Variants in COL19A1 observed in about 807,000 individuals in gnomAD.
COL19A1 encodes collagen alpha-1(XIX) chain.
In COL19A1, 159 loss-of-function variants were observed where a neutral mutation model predicts 190.2. That is an observed-to-expected ratio of 0.84 (90% CI 0.73 to 0.95). The LOEUF (loss-of-function observed/expected upper bound fraction) is 0.95, where lower values mean the gene tolerates loss of function less well. Among genes scored for constraint, COL19A1 ranks in the 40% least tolerant of loss-of-function variants. COL19A1 has a pLI of 0.00. For missense variants in COL19A1, 1,418 were observed against 1,431.9 expected, an observed-to-expected ratio of 0.99 and a Z score of 0.16; for synonymous variants, 509 against 458.9, an observed-to-expected ratio of 1.11 and a Z score of -1.39.
intron 15 of COL19A1, among the ~76,000 whole-genome samples, chr6:70,094,154 T>A (rs892360086): frequency 6.6e-6 from 1 of 152,234 alleles, no homozygotes; most frequent in Non-Finnish European, 1.5e-5. Context: ...TCTTCCTCAG[T>A]AAGTATTCCA....
intron 16 of COL19A1, among the ~76,000 whole-genome samples, chr6:70,117,700 A>G (rs546133433): frequency 6.6e-6 from 1 of 152,274 alleles, no homozygotes; most frequent in Admixed American, 6.5e-5. Flanking sequence ...TCATTAGCAT[A>G]TTTTAGCTGC....
chr6:69,917,088 T>C (rs927262672), intron 4 of COL19A1, among the ~76,000 whole-genome samples: 1 of 152,232 alleles, frequency 6.6e-6, no homozygotes, highest in African/African-American at 2.4e-5. Flanking sequence ...GACCAACACA[T>C]TTCCAAGGAC....
intron 2 of COL19A1, among the ~76,000 whole-genome samples, chr6:69,892,147 C>G (rs193072238): frequency 1.1e-4 from 16 of 152,334 alleles, no homozygotes. Flanking sequence ...CTTGGTCTTA[C>G]TTTCCCAAAA....
chr6:69,921,641 C>T (rs1306865479), intron 4 of COL19A1, among the ~76,000 whole-genome samples: 2 of 141,886 alleles, frequency 1.4e-5, no homozygotes, highest in Admixed American at 7.3e-5. Flanking sequence ...CGTATATATT[C>T]GTATATAGAT....
intron 41 of COL19A1, among the ~76,000 whole-genome samples, chr6:70,175,652 G>A (rs1011944164): frequency 6.6e-6 from 1 of 151,936 alleles, no homozygotes; most frequent in African/African-American, 2.4e-5. Flanking sequence ...ATGTTTAAAT[G>A]TTGGTATTAC....
rs150843686 is a variant in COL19A1 at position 69,966,975 on chromosome 6, A to T, written c.1026+4105A>T. Among the ~76,000 whole-genome samples the T allele has an allele frequency of 2.6e-3, 390 of 152,332 alleles. 3 individuals are homozygous for T. The highest frequency in any genetic ancestry group is 3.7e-3 in the Non-Finnish European group (249 of 68,038). On this transcript the variant is annotated intron_variant, in intron 11 of 50. Coordinates refer to ENST00000620364, the MANE Select transcript of COL19A1 (RefSeq NM_001858.6). ...CTCATTATACCATTCAATATTTTTAAGTAATTGCTTCAAATCATGTAATTT... is the reference window on the plus strand; with the variant it reads ...CTCATTATACCATTCAATATTTTTATGTAATTGCTTCAAATCATGTAATTT...
chr6:70,184,836 A>G (rs746829628), intron 45 of COL19A1, 35 bp from the exon 46 acceptor site: 9 of 1,611,396 alleles, frequency 5.6e-6, no homozygotes, highest in Non-Finnish European at 7.6e-6. Flanking sequence ...AAATCTTGGC[A>G]AGGAGTGATT....
intron 6 of COL19A1, among the ~76,000 whole-genome samples, chr6:69,931,062 T>A (rs1469679578): frequency 6.6e-6 from 1 of 152,194 alleles, no homozygotes; most frequent in Admixed American, 6.6e-5. Flanking sequence ...TACTGAAACT[T>A]TGAATGGATT....
chr6:69,977,719 G>A (rs1775800814), intron 11 of COL19A1, among the ~76,000 whole-genome samples: 2 of 152,052 alleles, frequency 1.3e-5, no homozygotes, highest in African/African-American at 4.8e-5. Flanking sequence ...TTTCAATCCA[G>A]TGGAGGATAA....
In COL19A1 at chr6:70,019,280, A is replaced by G. The variant is rs9364073; in HGVS notation, c.1027-4347A>G. Among the ~76,000 whole-genome samples the G allele has an allele frequency of 6.2e-3, 938 of 152,292 alleles. 25 individuals carry two copies. In the East Asian group the frequency reaches 0.087, roughly 14 times the overall value. On this transcript the variant is annotated intron_variant, in intron 11 of 50. Transcript: ENST00000620364. ...TTGTGTGGTTACTGCTAGAATTAAAAGTCCTTATTATGTAAGGTGCTTAGC... is the reference window on the plus strand; with the variant it reads ...TTGTGTGGTTACTGCTAGAATTAAAGGTCCTTATTATGTAAGGTGCTTAGC...
At chr6:70,069,737 T>G (rs1356699340) in intron 15 of COL19A1, among the ~76,000 whole-genome samples, 1 of 152,166 alleles carries the variant, frequency 6.6e-6, no homozygotes, top group Non-Finnish European at 1.5e-5. Flanking sequence ...CTAAGTCAGG[T>G]CTTCACCCAG....
chr6:70,061,597 C>A (rs1327082987), intron 14 of COL19A1, among the ~76,000 whole-genome samples: 1 of 152,054 alleles, frequency 6.6e-6, no homozygotes, highest in East Asian at 1.9e-4. Flanking sequence ...ATTAGGTAGA[C>A]TTTGCTACAT....
chr6:69,923,437 T>C (rs114937269), intron 4 of COL19A1, among the ~76,000 whole-genome samples: 2,138 of 152,280 alleles, frequency 0.014, 53 homozygotes, highest in African/African-American at 0.047. Context: ...TTTTCCTGCC[T>C]GGTAGTTCCC....
At chr6:70,177,162 G>A (rs1233486329) in intron 42 of COL19A1, among the ~76,000 whole-genome samples, 1 of 152,120 alleles carries the variant, frequency 6.6e-6, no homozygotes, top group Non-Finnish European at 1.5e-5. Context: ...GAGCCCTAGA[G>A]ATCATTCTGA....
intron 23 of COL19A1, 35 bp from the exon 24 acceptor site, chr6:70,144,175 T>G: frequency 1.3e-6 from 2 of 1,565,010 alleles, no homozygotes; most frequent in Non-Finnish European, 1.8e-6. Context: ...AGAGATGTTC[T>G]CATTACTCTT....
intron 16 of COL19A1, among the ~76,000 whole-genome samples, chr6:70,103,187 A>G (rs1011188142): frequency 1.3e-5 from 2 of 152,208 alleles, no homozygotes; most frequent in African/African-American, 4.8e-5. Context: ...AAATAATCCT[A>G]GATTTTTTTG....
intron 44 of COL19A1, among the ~76,000 whole-genome samples, chr6:70,180,820 G>A (rs890497905): frequency 6.6e-6 from 1 of 152,128 alleles, no homozygotes; most frequent in Non-Finnish European, 1.5e-5. Flanking sequence ...AAATATAATG[G>A]CCTGTCATGT....
rs772792379 is a variant in COL19A1, at chr6:70,163,365, A to G, written c.2369A>G (p.His790Arg). 3.1e-6 allele frequency: 5 copies of G among 1,612,572 alleles called. No homozygotes were observed. In the South Asian group the frequency reaches 5.5e-5, roughly 18 times the overall value. The change falls in exon 36 of 51, where the codon CAT (histidine) becomes CGT (arginine). Residue 790 changes from histidine to arginine, a missense_variant. Physicochemically the swap from His to Arg is conservative, Grantham distance 29. Transcript: ENST00000620364. ...GPPGLMGRTG[H>R]PGPTGAKGEK... is the part of the protein sequence containing the mutation. Reference sequence around the variant, plus strand: ...CAGGGCTTAATGGGAAGAACTGGACATCCTGGTCCCACAGGAGCAAAAGGT... The same window carrying G: ...CAGGGCTTAATGGGAAGAACTGGACGTCCTGGTCCCACAGGAGCAAAAGGT...
chr6:69,945,399 G>A (rs1430138984), intron 9 of COL19A1, among the ~76,000 whole-genome samples: 1 of 152,018 alleles, frequency 6.6e-6, no homozygotes, highest in Non-Finnish European at 1.5e-5. Context: ...TGCTAACCCA[G>A]AGATGATGAG....
Sources: allele counts gnomAD v4.1 joint callset (sites outside exome capture counted in the v4.1 genomes callset), GRCh38; gene constraint gnomAD v4.1.1; transcripts MANE v1.5; gene names NCBI Gene and HGNC (gene_info 2026-07-23, HGNC 2026-07-21).